Variants in UGGT1 observed in about 807,000 individuals in gnomAD.
The protein encoded by UGGT1 is UDP-glucose glycoprotein glucosyltransferase 1, also known as UDP-glucose:glycoprotein glucosyltransferase 1.
In UGGT1, 107 loss-of-function variants were observed where a neutral mutation model predicts 203.9. That is an observed-to-expected ratio of 0.52 (90% CI 0.45 to 0.62). The LOEUF (loss-of-function observed/expected upper bound fraction) is 0.62. Ranked by LOEUF, UGGT1 falls within the 20% of genes least tolerant of loss-of-function variation. The probability of loss-of-function intolerance (pLI) is 0.00; values close to 1 mark genes in which losing one functional copy is unlikely to be tolerated. For missense variants in UGGT1, 1,673 were observed against 1,867.2 expected, an observed-to-expected ratio of 0.90 and a Z score of 1.92; for synonymous variants, 628 against 653.5, an observed-to-expected ratio of 0.96 and a Z score of 0.59.
At chr2:128,106,706 C>A (rs1322282650) in intron 3 of UGGT1, among the ~76,000 whole-genome samples, 3 of 152,136 alleles carry the variant, frequency 2.0e-5, no homozygotes, top group Non-Finnish European at 4.4e-5. Flanking sequence ...CATGCCACCT[C>A]CCGTGGCTAA....
intron 8 of UGGT1, among the ~76,000 whole-genome samples, chr2:128,116,749 T>G (rs1369654717): frequency 6.6e-6 from 1 of 152,304 alleles, no homozygotes; most frequent in Non-Finnish European, 1.5e-5. Context: ...GGTCTCAAAC[T>G]CCTGGCCTCA....
At chr2:128,117,991 TGTGAGA>T (rs1688207515) in intron 8 of UGGT1, among the ~76,000 whole-genome samples, 29 of 83,192 alleles carry the variant, frequency 3.5e-4, no homozygotes, top group Non-Finnish European at 6.6e-4. Context: ...TGTGTGTGTG[TGTGAGA>T]GAGAGAGAGA....
Position 128,156,319 on chromosome 2 carries a change from T to G in UGGT1, c.2237-73T>G. 3 of 1,212,984 alleles carry G rather than the reference T, an allele frequency of 2.5e-6. No homozygotes were observed. The Admixed American group carries it at 5.2e-5, about 21-fold the overall frequency. The allele number at this position is 1,212,984 out of a possible 1,614,324, so 75.1% of individuals were successfully genotyped here. A position where few individuals can be genotyped will look rare whatever the true frequency, so the allele number is the denominator to read the frequency against. On this transcript the variant is annotated intron_variant, in intron 20 of 40. Coordinates refer to ENST00000259253, the MANE Select transcript of UGGT1 (RefSeq NM_020120.4). ...ACCGTGTTAGCCATTGTTTAGACTT[T>G]CAATTTTTACAGTAGGCATTCATTC...
At chr2:128,171,996 G>A (rs1691131552) in intron 28 of UGGT1, among the ~76,000 whole-genome samples, 1 of 152,162 alleles carries the variant, frequency 6.6e-6, no homozygotes, top group African/African-American at 2.4e-5. Flanking sequence ...TGTTTTATAG[G>A]TTAGCTTCTA....
chr2:128,134,186 C>T (rs752587004), intron 14 of UGGT1, among the ~76,000 whole-genome samples: 12 of 152,128 alleles, frequency 7.9e-5, no homozygotes, highest in Non-Finnish European at 1.5e-4. Context: ...CAGGTGCATG[C>T]CACCACACCT....
At chr2:128,139,932 G>T in intron 16 of UGGT1, 2 of 153,806 alleles carry the variant, frequency 1.3e-5, no homozygotes, top group South Asian at 3.7e-4. Flanking sequence ...TGCCACCATG[G>T]AGAAGAGTGA....
chr2:128,132,217 CCGATTTTTTTTT>C (rs1485569747), intron 13 of UGGT1, among the ~76,000 whole-genome samples: 1 of 147,344 alleles, frequency 6.8e-6, no homozygotes, highest in Non-Finnish European at 1.5e-5. Flanking sequence ...TTTTTTTTTT[CCGATTTTTTTTT>C]ACATTTTCTT....
intron 18 of UGGT1, chr2:128,151,097 C>T (rs931149170): frequency 3.4e-5 from 10 of 298,084 alleles, no homozygotes; most frequent in African/African-American, 9.0e-5. Flanking sequence ...GTTATCCACC[C>T]GCCTCAGCCT....
At chr2:128,112,587 GT>G (rs58357771) in intron 5 of UGGT1, among the ~76,000 whole-genome samples, 107,071 of 123,100 alleles carry the variant, frequency 0.87, 47,188 homozygotes, top group Non-Finnish European at 0.96. Flanking sequence ...TATTTTATTC[GT>G]TTTTTTTTTT....
In UGGT1 at chr2:128,192,452, T is replaced by C. The variant is rs1558839335; in HGVS notation, c.*2710T>C. ...TGCTGAATGTTCAAACTCTGGAAAC[T>C]GTTCACAGTATGTTGTTCTTAGCTG... On this transcript the variant is annotated 3_prime_UTR_variant, in exon 41 of 41. Transcript: ENST00000259253. 1.3e-5 allele frequency: 2 copies of C among 152,360 alleles called. No homozygotes were observed. Among genetic ancestry groups the C allele is most frequent in the East Asian group, 3.9e-4 (2 of 5,194 alleles). The allele number at this position is 152,360 out of a possible 1,614,324, so 9.4% of individuals were successfully genotyped here.
intron 11 of UGGT1, among the ~76,000 whole-genome samples, chr2:128,124,343 G>A (rs755563998): frequency 6.6e-6 from 1 of 152,104 alleles, no homozygotes; most frequent in East Asian, 1.9e-4. Context: ...ACAAGGCATC[G>A]CCTCTTGGAA....
chr2:128,118,664 G>T (rs1688239459), intron 8 of UGGT1, among the ~76,000 whole-genome samples: 2 of 152,092 alleles, frequency 1.3e-5, no homozygotes, highest in Non-Finnish European at 1.5e-5. Flanking sequence ...AGAATATTGA[G>T]GCTGTTTTAC....
chr2:128,109,833 T>C (rs1687768461), intron 5 of UGGT1, 87 bp downstream of exon 5: 2 of 1,106,092 alleles, frequency 1.8e-6, no homozygotes, highest in African/African-American at 1.6e-5. Context: ...CTCATCTGTT[T>C]TGTATCATTA....
At position 128,194,585 on chromosome 2, in the gene UGGT1, ATAAT is replaced by A. The variant is rs1692432974; in HGVS notation, c.*4846_*4849del. 1 of 152,110 alleles carries A rather than the reference ATAAT, an allele frequency of 6.6e-6. No individual in the cohort carries two copies. The highest frequency in any genetic ancestry group is 2.4e-5 in the African/African-American group (1 of 41,432). 9.4% of individuals were successfully genotyped at this position (152,110 alleles called of 1,614,324 possible). A position where few individuals can be genotyped will look rare whatever the true frequency, so the allele number is the denominator to read the frequency against. ...CCTGTCCCATTGTTGTGTAATTTTAATAATTAGTTTTTTAAGTACTTGATTTTAT... is the reference window on the plus strand; with the variant it reads ...CCTGTCCCATTGTTGTGTAATTTTAATAGTTTTTTAAGTACTTGATTTTAT... On this transcript the variant is annotated 3_prime_UTR_variant, in exon 41 of 41. Transcript: ENST00000259253.
intron 23 of UGGT1, 71 bp downstream of exon 23, chr2:128,159,791 G>T: frequency 1.4e-6 from 2 of 1,465,478 alleles, no homozygotes; most frequent in Non-Finnish European, 1.9e-6. Context: ...TGCAGCTTAC[G>T]TGTCCGGTTC....
At chr2:128,157,022 G>T (rs1449055480) in intron 21 of UGGT1, among the ~76,000 whole-genome samples, 1 of 152,182 alleles carries the variant, frequency 6.6e-6, no homozygotes, top group Admixed American at 6.5e-5. Flanking sequence ...GCATTAATCA[G>T]TAGAATTAAT....
intron 32 of UGGT1, 127 bp downstream of exon 32, chr2:128,177,025 C>T (rs965940162): frequency 6.7e-5 from 54 of 807,190 alleles, no homozygotes; most frequent in Non-Finnish European, 8.2e-5. Flanking sequence ...TGCTTTAAGG[C>T]AAAATGTCTT....
chr2:128,163,110 CTTG>C (rs1690607811), intron 25 of UGGT1, among the ~76,000 whole-genome samples: 1 of 152,106 alleles, frequency 6.6e-6, no homozygotes, highest in African/African-American at 2.4e-5. Context: ...CAGGGAGTTT[CTTG>C]TTGGCCTGCT....
Position 128,145,915 on chromosome 2 carries a change from C to T in UGGT1, c.1964C>T (p.Thr655Ile). The change falls in exon 18 of 41, where the codon ACA (threonine) becomes ATA (isoleucine). Residue 655 changes from threonine to isoleucine, a missense_variant. Around this residue, in one of 4 missense-constraint regions of UGGT1, gnomAD observed 1,073 missense variants for 1,078.7 expected, o/e 0.99. Coordinates refer to ENST00000259253, the MANE Select transcript of UGGT1 (RefSeq NM_020120.4). ...GACCCTGATGAGTTAGAAACCATCA[C>T]AATGCATAAAATCCTGGAGACCACC... is the stretch of plus-strand genomic sequence containing the variant. Reference protein sequence around the residue: ...QLDPDELETITMHKILETTTF... With the variant: ...QLDPDELETIIMHKILETTTF... 2.5e-6 allele frequency: 4 copies of T among 1,614,112 alleles called. No homozygotes were observed. The highest frequency in any genetic ancestry group is 3.4e-6 in the Non-Finnish European group (4 of 1,180,012).
Sources: gnomAD v4.1 joint callset for allele counts (sites outside exome capture counted in the v4.1 genomes callset) on GRCh38, gnomAD v4.1.1 for gene constraint, gnomAD v4.1.1 regional missense constraint, MANE v1.5 for transcripts, NCBI Gene and HGNC (gene_info 2026-07-23, HGNC 2026-07-21) for gene names.